SETBP1: variants seen among roughly 807,000 people sequenced by gnomAD.
SETBP1 encodes SET-binding protein.
A neutral mutation model predicts 101.0 loss-of-function variants in SETBP1; 9 were observed. That is an observed-to-expected ratio of 0.09 (90% CI 0.05 to 0.16). SETBP1 has a LOEUF of 0.16. SETBP1 is among the 10% of genes least tolerant of loss of function. The pLI is 1.00. For synonymous variants in SETBP1, 818 were observed against 788.5 expected, an observed-to-expected ratio of 1.04 and a Z score of -0.63; for missense variants, 1,858 against 2,033.8, an observed-to-expected ratio of 0.91 and a Z score of 1.66.
At chr18:44,851,277 G>C (rs1413853507) in intron 2 of SETBP1, among the ~76,000 whole-genome samples, 2 of 152,218 alleles carry the variant, frequency 1.3e-5, no homozygotes, top group Non-Finnish European at 2.9e-5. Context: ...CTTCCTGTAG[G>C]AGGTGAGTCT....
intron 4 of SETBP1, among the ~76,000 whole-genome samples, chr18:44,998,770 ACCT>A (rs2072554401): frequency 6.6e-6 from 1 of 152,198 alleles, no homozygotes; most frequent in Non-Finnish European, 1.5e-5. Flanking sequence ...TGGTGTACCC[ACCT>A]ACAGTACTAG....
intron 4 of SETBP1, chr18:44,987,081 C>T (rs1489471065): frequency 2.0e-5 from 3 of 152,172 alleles, no homozygotes; most frequent in Non-Finnish European, 4.4e-5. Flanking sequence ...CCACCATCAC[C>T]ACAAACACTT....
chr18:45,045,417 C>A (rs1373693166), intron 5 of SETBP1, among the ~76,000 whole-genome samples: 1 of 152,146 alleles, frequency 6.6e-6, no homozygotes, highest in Non-Finnish European at 1.5e-5. Context: ...GGTGACAGAG[C>A]AAGCTCCATC....
At chr18:44,738,266 A>G (rs976593295) in intron 2 of SETBP1, among the ~76,000 whole-genome samples, 3 of 152,150 alleles carry the variant, frequency 2.0e-5, no homozygotes, top group Non-Finnish European at 4.4e-5. Flanking sequence ...CCCTGTAGTC[A>G]TATGTGCCTA....
chr18:44,743,321 G>GA (rs966684693), intron 2 of SETBP1, among the ~76,000 whole-genome samples: 5 of 151,694 alleles, frequency 3.3e-5, no homozygotes, highest in African/African-American at 1.2e-4. Flanking sequence ...GGAAGGGTAA[G>GA]AAAAAAAAGA....
chr18:44,914,601 G>A (rs973377666), intron 3 of SETBP1, among the ~76,000 whole-genome samples: 1 of 152,148 alleles, frequency 6.6e-6, no homozygotes, highest in African/African-American at 2.4e-5. Flanking sequence ...TCATGCAATA[G>A]TCTATGTAAT....
chr18:45,068,058 G>A lies in SETBP1; in HGVS notation c.*4360G>A, dbSNP rs2073991994. On this transcript the variant is annotated 3_prime_UTR_variant, in exon 6 of 6. Transcript: ENST00000649279. Reference sequence around the variant, plus strand: ...AATGGGGCACAAGATTGTCTTACAAGTCGTGCTGGCTAATTTTTAGTTTGT... The same window carrying A: ...AATGGGGCACAAGATTGTCTTACAAATCGTGCTGGCTAATTTTTAGTTTGT... 1 of 152,146 alleles carries A rather than the reference G, an allele frequency of 6.6e-6. No individual in the cohort carries two copies. The highest frequency in any genetic ancestry group is 2.4e-5 in the African/African-American group (1 of 41,420). 9.4% of individuals were successfully genotyped at this position (152,146 alleles called of 1,614,324 possible).
chr18:44,987,751 T>A (rs1160433512), intron 4 of SETBP1: 1 of 152,230 alleles, frequency 6.6e-6, no homozygotes, highest in Non-Finnish European at 1.5e-5. Flanking sequence ...ACAAATTTAA[T>A]ATTGATAATA....
chr18:44,964,300 C>T lies in SETBP1; in HGVS notation c.4000+10960C>T, dbSNP rs1434773548. 2.0e-5 allele frequency among the ~76,000 whole-genome samples: 3 copies of T among 152,216 alleles called. No homozygotes were observed. The East Asian group carries it at 5.8e-4, about 29-fold the overall frequency. Reference sequence around the variant, plus strand: ...GGGCAAAGTGGCTCACACCTGTAATCCCAGCACTTTGGGAGACCAAACTGG... The same window carrying T: ...GGGCAAAGTGGCTCACACCTGTAATTCCAGCACTTTGGGAGACCAAACTGG... On this transcript the variant is annotated intron_variant, in intron 4 of 5. Transcript: ENST00000649279.
At chr18:45,030,141 G>C (rs1599469586) in intron 4 of SETBP1, among the ~76,000 whole-genome samples, 3 of 149,274 alleles carry the variant, frequency 2.0e-5, no homozygotes, top group African/African-American at 7.4e-5. Flanking sequence ...GATATTGGCT[G>C]TGGGTTTGTC....
At chr18:44,726,676 T>C (rs540501123) in intron 2 of SETBP1, among the ~76,000 whole-genome samples, 1 of 152,252 alleles carries the variant, frequency 6.6e-6, no homozygotes, top group Non-Finnish European at 1.5e-5. Context: ...CGTGTTTGAT[T>C]CTAAGTGACA....
intron 4 of SETBP1, among the ~76,000 whole-genome samples, chr18:44,968,722 G>C (rs2071775854): frequency 6.6e-6 from 1 of 152,136 alleles, no homozygotes; most frequent in Non-Finnish European, 1.5e-5. Flanking sequence ...TTCCCAAGTA[G>C]GCAACAGTGA....
At chr18:45,003,017 T>C (rs1057185381) in intron 4 of SETBP1, among the ~76,000 whole-genome samples, 1 of 152,196 alleles carries the variant, frequency 6.6e-6, no homozygotes, top group African/African-American at 2.4e-5. Flanking sequence ...AGAAATACAC[T>C]GATATGTGCC....
intron 2 of SETBP1, among the ~76,000 whole-genome samples, chr18:44,703,107 AG>A (rs2069146318): frequency 6.6e-6 from 1 of 152,176 alleles, no homozygotes; most frequent in Non-Finnish European, 1.5e-5. Flanking sequence ...GCCTTGGTAT[AG>A]TAAGTTTTTG....
chr18:44,695,819 A>G (rs1318267491), intron 1 of SETBP1, among the ~76,000 whole-genome samples: 1 of 152,150 alleles, frequency 6.6e-6, no homozygotes, highest in African/African-American at 2.4e-5. Flanking sequence ...TTTTTTAAAA[A>G]GTAAAAATAA....
At chr18:44,694,410 C>T (rs971926563) in intron 1 of SETBP1, among the ~76,000 whole-genome samples, 1 of 152,188 alleles carries the variant, frequency 6.6e-6, no homozygotes, top group African/African-American at 2.4e-5. Flanking sequence ...TGGGGTTTAG[C>T]CATGTTGGCC....
At position 44,950,602 on chromosome 18, in the gene SETBP1, G is replaced by C. The variant is rs1568234296; in HGVS notation, c.1262G>C (p.Arg421Thr). 1 of 1,614,090 alleles carries C rather than the reference G, an allele frequency of 6.2e-7. No individual in the cohort carries two copies. The highest frequency in any genetic ancestry group is 1.1e-5 in the South Asian group (1 of 91,072). Residue 421 changes from arginine (R) to threonine (T), a missense_variant, in exon 4 of 6, where the codon AGA becomes ACA. Coordinates refer to ENST00000649279, the MANE Select transcript of SETBP1 (RefSeq NM_015559.3). Reference protein sequence around the residue: ...LDPTNHKRKKRQSIKAVVEKI... With the variant: ...LDPTNHKRKKTQSIKAVVEKI... ...CCAACCAACCATAAGAGGAAAAAAA[G>C]ACAGTCCATTAAAGCGGTGGTGGAA...
chr18:44,811,609 G>C (rs892540420), intron 2 of SETBP1, among the ~76,000 whole-genome samples: 3 of 152,234 alleles, frequency 2.0e-5, no homozygotes, highest in Non-Finnish European at 4.4e-5. Flanking sequence ...GACTGCTGAA[G>C]ATAACAACAG....
chr18:44,766,184 G>T (rs2070760161), intron 2 of SETBP1, among the ~76,000 whole-genome samples: 1 of 152,186 alleles, frequency 6.6e-6, no homozygotes, highest in Non-Finnish European at 1.5e-5. Context: ...TTCAGTTTCA[G>T]TCCACATTGA....
Sources: allele counts gnomAD v4.1 joint callset (sites outside exome capture counted in the v4.1 genomes callset), GRCh38; gene constraint gnomAD v4.1.1; transcripts MANE v1.5; gene names NCBI Gene and HGNC (gene_info 2026-07-23, HGNC 2026-07-21).